KIAA1549L: variants seen among roughly 807,000 people sequenced by gnomAD.
The protein encoded by KIAA1549L is UPF0606 protein KIAA1549L.
In KIAA1549L, 88 loss-of-function variants were observed where a neutral mutation model predicts 160.7. The ratio of observed to expected loss-of-function variants is 0.55; its 90% CI spans 0.46 to 0.65. KIAA1549L has a LOEUF of 0.65. KIAA1549L is among the 30% of genes least tolerant of loss of function. KIAA1549L has a pLI of 0.00. For synonymous variants in KIAA1549L, 950 were observed against 976.7 expected (o/e 0.97, Z 0.51); for missense variants, 2,258 against 2,437.5 (o/e 0.93, Z 1.55).
intron 1 of KIAA1549L, among the ~76,000 whole-genome samples, chr11:33,524,979 A>G (rs1853579865): frequency 6.6e-6 from 1 of 152,238 alleles, no homozygotes; most frequent in Non-Finnish European, 1.5e-5. Flanking sequence ...GGGATTTATC[A>G]TAAGAAATAT....
intron 1 of KIAA1549L, among the ~76,000 whole-genome samples, chr11:33,503,564 A>G (rs1853004420): frequency 6.6e-6 from 1 of 152,248 alleles, no homozygotes; most frequent in Non-Finnish European, 1.5e-5. Context: ...TTACAAAGGA[A>G]TTTACCTCAA....
intron 1 of KIAA1549L, among the ~76,000 whole-genome samples, chr11:33,520,000 G>A (rs1464362294): frequency 6.6e-6 from 1 of 150,394 alleles, no homozygotes; most frequent in Non-Finnish European, 1.5e-5. Context: ...AAAAGTTGCA[G>A]ATATTGAATG....
intron 1 of KIAA1549L, among the ~76,000 whole-genome samples, chr11:33,530,575 G>A (rs1259167791): frequency 6.7e-6 from 1 of 149,708 alleles, no homozygotes; most frequent in African/African-American, 2.5e-5. Context: ...ACTTATTAAT[G>A]ACCCTGTCAG....
At chr11:33,388,951 G>T (rs530735173) in intron 1 of KIAA1549L, among the ~76,000 whole-genome samples, 2 of 152,154 alleles carry the variant, frequency 1.3e-5, no homozygotes, top group Admixed American at 6.5e-5. Context: ...GGCCAAGGTC[G>T]CTGCTGCACC....
At chr11:33,626,255 T>C in intron 16 of KIAA1549L, among the ~76,000 whole-genome samples, 1 of 140,636 alleles carries the variant, frequency 7.1e-6, no homozygotes, top group Non-Finnish European at 1.5e-5. Context: ...TCTTTTTTGG[T>C]TCCATATGAA....
chr11:33,663,753 G>C (rs1852344781), intron 20 of KIAA1549L, among the ~76,000 whole-genome samples: 1 of 152,168 alleles, frequency 6.6e-6, no homozygotes, highest in African/African-American at 2.4e-5. Context: ...CCCTGCTCTT[G>C]CTCTGCACAA....
At chr11:33,629,296 G>C (rs12280459) in intron 16 of KIAA1549L, among the ~76,000 whole-genome samples, 4,890 of 152,116 alleles carry the variant, frequency 0.032, 250 homozygotes, top group African/African-American at 0.1. Context: ...GAGTATCTTT[G>C]TGGTGTTCTC....
In KIAA1549L at chr11:33,591,295, A is replaced by T. The variant is rs1230491783; in HGVS notation, c.4625A>T (p.Glu1542Val). 1 of 1,613,642 alleles carries T rather than the reference A, an allele frequency of 6.2e-7. No individual in the cohort carries two copies. The highest frequency in any genetic ancestry group is 8.5e-7 in the Non-Finnish European group (1 of 1,179,644). The change falls in exon 12 of 21, where the codon GAG becomes GTG. Residue 1542 changes from glutamate (E) to valine (V), a missense_variant. Physicochemically the swap from Glu to Val is moderately radical, Grantham distance 121. Coordinates refer to ENST00000658780, the MANE Select transcript of KIAA1549L (RefSeq NM_012194.3). ...CTGGGCCAGCAAGGGGCAGATGAGG[A>T]GGTCATCCCTGTGACTCAGGAGACA... ...QHLGQQGADEEVIPVTQETVV... is the reference protein window; with the variant it reads ...QHLGQQGADEVVIPVTQETVV...
chr11:33,622,012 T>C (rs879595886), intron 16 of KIAA1549L, among the ~76,000 whole-genome samples: 1 of 152,210 alleles, frequency 6.6e-6, no homozygotes, highest in Admixed American at 6.5e-5. Flanking sequence ...TTCCATGCAC[T>C]GGAGGTAGTT....
intron 6 of KIAA1549L, among the ~76,000 whole-genome samples, chr11:33,557,959 T>C (rs1030757470): frequency 2.0e-5 from 3 of 151,978 alleles, no homozygotes; most frequent in Admixed American, 6.6e-5. Context: ...CTTCCACTTA[T>C]GGGAAAAAGT....
At chr11:33,527,194 C>A (rs773247132) in intron 1 of KIAA1549L, among the ~76,000 whole-genome samples, 2 of 151,966 alleles carry the variant, frequency 1.3e-5, no homozygotes, top group Non-Finnish European at 1.5e-5. Context: ...AATTCGTGTT[C>A]CCAAGAAAGA....
At chr11:33,386,168 G>A (rs188502902) in intron 1 of KIAA1549L, among the ~76,000 whole-genome samples, 21 of 152,268 alleles carry the variant, frequency 1.4e-4, no homozygotes, top group Non-Finnish European at 2.9e-5. Context: ...GGCATTGGAG[G>A]GAAATATCAG....
At chr11:33,515,810 G>A (rs941208781) in intron 1 of KIAA1549L, among the ~76,000 whole-genome samples, 6 of 152,132 alleles carry the variant, frequency 3.9e-5, no homozygotes, top group Non-Finnish European at 8.8e-5. Context: ...CTCCAGAAAA[G>A]TAACGTGATG....
chr11:33,539,457 G>A (rs1421122041), intron 1 of KIAA1549L, among the ~76,000 whole-genome samples: 1 of 152,146 alleles, frequency 6.6e-6, no homozygotes, highest in Non-Finnish European at 1.5e-5. Context: ...CCTCCAAATT[G>A]CAGTGACATA....
chr11:33,583,564 C>G, intron 11 of KIAA1549L, 63 bp downstream of exon 11: 1 of 1,460,978 alleles, frequency 6.8e-7, no homozygotes, highest in Non-Finnish European at 9.2e-7. Context: ...GCCTGCCTTT[C>G]CCTCTTGCCT....
At chr11:33,573,282 G>A (rs1382942141) in intron 9 of KIAA1549L, among the ~76,000 whole-genome samples, 1 of 152,036 alleles carries the variant, frequency 6.6e-6, no homozygotes, top group Non-Finnish European at 1.5e-5. Flanking sequence ...TTCTCTGATT[G>A]TACTCCCTTC....
At chr11:33,617,794 T>A (rs1255389920) in intron 15 of KIAA1549L, among the ~76,000 whole-genome samples, 3 of 116,346 alleles carry the variant, frequency 2.6e-5, no homozygotes, top group African/African-American at 5.7e-5. Flanking sequence ...CCTCGGTGGA[T>A]GGATGGATGG....
intron 8 of KIAA1549L, among the ~76,000 whole-genome samples, chr11:33,564,935 A>G (rs1854997629): frequency 1.3e-5 from 2 of 152,214 alleles, no homozygotes; most frequent in African/African-American, 4.8e-5. Flanking sequence ...TATGATTGTG[A>G]ATAAAGAAGG....
At chr11:33,566,671 T>C (rs1855058915) in intron 8 of KIAA1549L, among the ~76,000 whole-genome samples, 1 of 152,244 alleles carries the variant, frequency 6.6e-6, no homozygotes, top group Admixed American at 6.5e-5. Context: ...AACATCATTC[T>C]CTGTATCTGT....
Sources: gnomAD v4.1 joint callset for allele counts (sites outside exome capture counted in the v4.1 genomes callset) on GRCh38, gnomAD v4.1.1 for gene constraint, MANE v1.5 for transcripts, NCBI Gene and HGNC (gene_info 2026-07-23, HGNC 2026-07-21) for gene names.